ALDH1L2: variants seen among roughly 807,000 people sequenced by gnomAD.
ALDH1L2 encodes mitochondrial 10-formyltetrahydrofolate dehydrogenase.
A neutral mutation model predicts 111.0 loss-of-function variants in ALDH1L2; 91 were observed. The observed-to-expected ratio is 0.82, with a 90% CI of 0.69 to 0.98. The LOEUF (loss-of-function observed/expected upper bound fraction) is 0.98, where lower values mean the gene tolerates loss of function less well. Ranked by LOEUF, ALDH1L2 falls within the 50% of genes least tolerant of loss-of-function variation. ALDH1L2 has a pLI of 0.00. For synonymous variants in ALDH1L2, 374 were observed against 392.6 expected, an observed-to-expected ratio of 0.95 and a Z score of 0.56; for missense variants, 995 against 1,126.8, an observed-to-expected ratio of 0.88 and a Z score of 1.67.
chr12:105,055,693 A>AAAGT (rs34166784), intron 10 of ALDH1L2, among the ~76,000 whole-genome samples: 59,512 of 151,818 alleles, frequency 0.39, 12,849 homozygotes, highest in Middle Eastern at 0.61. Context: ...GAATTAAAGG[A>AAAGT]AAGAGAATAA....
chr12:105,020,153 C>T lies in ALDH1L2; in HGVS notation c.*4271G>A, dbSNP rs1874092426. 1 of 151,964 alleles carries T rather than the reference C, an allele frequency of 6.6e-6. No homozygotes were observed. The highest frequency in any genetic ancestry group is 2.4e-5 in the African/African-American group (1 of 41,242). 9.4% of individuals were successfully genotyped at this position (151,964 alleles called of 1,614,324 possible). ...GTCTCATGCCTTATCCATCATCCCT[C>T]ATATCCTACTCTTAGCCCAGATTTT... On this transcript the variant is annotated 3_prime_UTR_variant, in exon 23 of 23. Transcript: ENST00000258494.
chr12:105,046,034 A>T (rs1348972259), intron 15 of ALDH1L2, among the ~76,000 whole-genome samples: 1 of 151,330 alleles, frequency 6.6e-6, no homozygotes, highest in Non-Finnish European at 1.5e-5. Flanking sequence ...GCATTAAGAG[A>T]TTTTTTTGAA....
chr12:105,033,777 A>G (rs1309650749), intron 19 of ALDH1L2, among the ~76,000 whole-genome samples: 1 of 152,166 alleles, frequency 6.6e-6, no homozygotes, highest in East Asian at 1.9e-4. Context: ...ATTATATGCT[A>G]TCATGTCAAC....
intron 1 of ALDH1L2, among the ~76,000 whole-genome samples, chr12:105,081,170 G>C (rs753749467): frequency 2.6e-5 from 4 of 152,134 alleles, no homozygotes; most frequent in Non-Finnish European, 5.9e-5. Flanking sequence ...ATCCACGGGA[G>C]GTCCTGAAAC....
At chr12:105,067,215 CAAAAAA>C (rs11334156) in intron 4 of ALDH1L2, among the ~76,000 whole-genome samples, 6 of 97,244 alleles carry the variant, frequency 6.2e-5, no homozygotes, top group Non-Finnish European at 1.0e-4. Context: ...GACTCTGTCT[CAAAAAA>C]AAAAAAAAAA....
rs772466384 is a variant in ALDH1L2, at chr12:105,062,913, A to T, written c.896T>A (p.Val299Asp). The T allele has an allele frequency of 8.7e-6, 14 of 1,613,004 alleles. No individual in the cohort carries two copies. The highest frequency in any genetic ancestry group is 1.2e-5 in the Non-Finnish European group (14 of 1,179,738). The part of the protein sequence containing the change: ...KPGLVTKNGL[V>D]LFGNDGKALT... ...TGCTTTTCCATCGTTACCAAAAAGA[A>T]CAAGTCCATTTTTGGTAACGAGACC... The change falls in exon 7 of 23, where the codon GTT becomes GAT. Residue 299 changes from valine (V) to aspartate (D), a missense_variant. Transcript: ENST00000258494.
chr12:105,065,216 C>CAAAG (rs1877273352), intron 6 of ALDH1L2, 51 bp downstream of exon 6: 1 of 1,269,340 alleles, frequency 7.9e-7, no homozygotes, highest in African/African-American at 1.7e-5. Flanking sequence ...ATATCTCTTA[C>CAAAG]AAAGGTAATA....
rs553895499 is a variant in ALDH1L2, at chr12:105,040,242, G to A, written c.1951+365C>T. Among the ~76,000 whole-genome samples, 10 of 148,304 alleles carry A rather than the reference G, an allele frequency of 6.7e-5. No individual in the cohort carries two copies. The South Asian group carries it at 1.9e-3, about 28-fold the overall frequency. On this transcript the variant is annotated intron_variant, in intron 16 of 22. Transcript: ENST00000258494. ...TTGACACCTTAGTTTTACATTTTCT[G>A]TATTAATTACAAACTGATAAAAGTC...
chr12:105,084,399 G>T lies in ALDH1L2; in HGVS notation c.38C>A (p.Ser13Tyr). Residue 13 changes from serine to tyrosine, a missense_variant, in exon 1 of 23, where the codon TCC becomes TAC. Physicochemically the swap from Ser to Tyr is moderately radical, Grantham distance 144. Coordinates refer to ENST00000258494, the MANE Select transcript of ALDH1L2 (RefSeq NM_001034173.4). ...RRGSQALRRFSTGRVYFKNKL... is the reference protein window; with the variant it reads ...RRGSQALRRFYTGRVYFKNKL... ...CCGGGCCGGACTCACCCGGCCAGTG[G>T]AGAAGCGCCGGAGCGCCTGGCTGCC... 1 of 1,500,588 alleles carries T rather than the reference G, an allele frequency of 6.7e-7. No individual in the cohort carries two copies. 93.0% of individuals were successfully genotyped at this position (1,500,588 alleles called of 1,614,324 possible).
chr12:105,033,116 C>A (rs113414695), intron 19 of ALDH1L2, among the ~76,000 whole-genome samples: 1 of 152,176 alleles, frequency 6.6e-6, no homozygotes, highest in African/African-American at 2.4e-5. Context: ...TCTCTTAGTG[C>A]GTTCCCCAGG....
chr12:105,044,514 A>G (rs1346378094), intron 15 of ALDH1L2, among the ~76,000 whole-genome samples: 1 of 150,882 alleles, frequency 6.6e-6, no homozygotes, highest in East Asian at 2.0e-4. Context: ...GTGGAGCTCT[A>G]CTGGGCTAGA....
In ALDH1L2 at chr12:105,044,829, G is replaced by A. The variant is rs186113138; in HGVS notation, c.1863+1881C>T. Among the ~76,000 whole-genome samples, 10 of 151,996 alleles carry A rather than the reference G, an allele frequency of 6.6e-5. No homozygotes were observed. In the East Asian group the frequency reaches 1.9e-3, roughly 30 times the overall value. ...AAAAATCTGAATATCCATAATTATG[G>A]ATTGATTAAGTAAAATATGTTTTAT... On this transcript the variant is annotated intron_variant, in intron 15 of 22. Coordinates refer to ENST00000258494, the MANE Select transcript of ALDH1L2 (RefSeq NM_001034173.4).
chr12:105,067,752 T>C (rs1171733174), intron 4 of ALDH1L2, among the ~76,000 whole-genome samples: 1 of 152,114 alleles, frequency 6.6e-6, no homozygotes, highest in Non-Finnish European at 1.5e-5. Flanking sequence ...CAGAGCCAAG[T>C]TTACAGCTCA....
rs186952842 is a variant in ALDH1L2 at position 105,040,817 on chromosome 12, T to A, written c.1864-123A>T. 2.5e-4 allele frequency: 198 copies of A among 797,584 alleles called. 1 individual carries two copies. The highest frequency in any genetic ancestry group is 1.9e-3 in the Middle Eastern group (8 of 4,204). 49.4% of individuals were successfully genotyped at this position (797,584 alleles called of 1,614,324 possible). On this transcript the variant is annotated intron_variant, in intron 15 of 22. Coordinates refer to ENST00000258494, the MANE Select transcript of ALDH1L2 (RefSeq NM_001034173.4). The stretch of plus-strand genomic sequence containing the variant: ...TATTTTTATTGTACATTGTCTTATT[T>A]TTTTGCCATAATTTCAGACTTACAA...
At chr12:105,048,484 C>T (rs2136072099) in intron 13 of ALDH1L2, 1 of 152,244 alleles carries the variant, frequency 6.6e-6, no homozygotes, top group East Asian at 1.9e-4. Flanking sequence ...TCTTACCACT[C>T]CCCCTTTCTC....
In ALDH1L2 at chr12:105,036,414, G is replaced by A. The variant is rs1244565435; in HGVS notation, c.2145+1689C>T. 3.9e-4 allele frequency among the ~76,000 whole-genome samples: 23 copies of A among 58,266 alleles called. 4 individuals are homozygous for A. The highest frequency in any genetic ancestry group is 1.8e-3 in the East Asian group (2 of 1,138). 38.2% of individuals were successfully genotyped at this position (58,266 alleles called of 152,430 possible). ...ATGTGTATATATATTATATATATAC[G>A]TATATTTATATATGTGTATATATTA... is the stretch of plus-strand genomic sequence containing the variant. On this transcript the variant is annotated intron_variant, in intron 18 of 22. Transcript: ENST00000258494.
rs1874283296 is a variant in ALDH1L2, at chr12:105,023,889, C to G, written c.*535G>C. On this transcript the variant is annotated 3_prime_UTR_variant, in exon 23 of 23. Coordinates refer to ENST00000258494, the MANE Select transcript of ALDH1L2 (RefSeq NM_001034173.4). The stretch of plus-strand genomic sequence containing the variant: ...AAGATAATGTTTCTAGGTTGATCAC[C>G]CATCACAGTGGGTTAAAAAATGGAA... 6.5e-6 allele frequency: 1 copy of G among 154,298 alleles called. No individual in the cohort carries two copies. Among genetic ancestry groups the G allele is most frequent in the East Asian group, 1.9e-4 (1 of 5,226 alleles). 9.6% of individuals were successfully genotyped at this position (154,298 alleles called of 1,614,324 possible). A position where few individuals can be genotyped will look rare whatever the true frequency, so the allele number is the denominator to read the frequency against.
rs371079827 is a variant in ALDH1L2, at chr12:105,049,965, G to A, written c.1629C>T (p.His543=). Residue 543 remains histidine, a synonymous_variant, in exon 13 of 23, where the codon CAC becomes CAT. Transcript: ENST00000258494. ...TGAATGTTTGCACAGACATTCCAAT[G>A]TGTGTCTTCAGGGCCAAGGTATAGA... ...GAVYTLALKT[H]IGMSVQTFRY... 1.2e-6 allele frequency: 2 copies of A among 1,612,870 alleles called. No homozygotes were observed. The highest frequency in any genetic ancestry group is 1.7e-5 in the Admixed American group (1 of 59,852).
chr12:105,065,322 T>G lies in ALDH1L2; in HGVS notation c.731A>C (p.Asn244Thr). 1 of 1,609,876 alleles carries G rather than the reference T, an allele frequency of 6.2e-7. No homozygotes were observed. Among genetic ancestry groups the G allele is most frequent in the South Asian group, 1.1e-5 (1 of 91,042 alleles). ...GACTTTATCATGACCTCGAATCCAGTTATGTAAAACTTCGGCAGACTGGTC... is the reference window on the plus strand; with the variant it reads ...GACTTTATCATGACCTCGAATCCAGGTATGTAAAACTTCGGCAGACTGGTC... ...SWDQSAEVLH[N>T]WIRGHDKVPG... Residue 244 changes from asparagine (N) to threonine (T), a missense_variant, in exon 6 of 23, where the codon AAC becomes ACC. Transcript: ENST00000258494.
Sources: gnomAD v4.1 joint callset for allele counts (sites outside exome capture counted in the v4.1 genomes callset) on GRCh38, gnomAD v4.1.1 for gene constraint, MANE v1.5 for transcripts, NCBI Gene and HGNC (gene_info 2026-07-23, HGNC 2026-07-21) for gene names.